The following DOCK4 variants were observed in gnomAD, a reference collection of about 807,000 sequenced individuals.
DOCK4 encodes the protein dedicator of cytokinesis protein 4.
A neutral mutation model predicts 268.1 loss-of-function variants in DOCK4; 97 were observed. The observed-to-expected ratio is 0.36, with a 90% CI of 0.31 to 0.43. DOCK4 has a LOEUF of 0.43. DOCK4 is among the 20% of genes least tolerant of loss of function. The pLI is 1.00. For synonymous variants in DOCK4, 954 were observed against 887.2 expected (o/e 1.08, Z -1.34); for missense variants, 2,145 against 2,455.7 (o/e 0.87, Z 2.67).
At chr7:111,872,900 C>A (rs536688863) in intron 17 of DOCK4, among the ~76,000 whole-genome samples, 1 of 152,314 alleles carries the variant, frequency 6.6e-6, no homozygotes, top group Non-Finnish European at 1.5e-5. Context: ...CAAATCCTTA[C>A]AAATCAGGCA....
intron 30 of DOCK4, among the ~76,000 whole-genome samples, chr7:111,792,951 C>T (rs551834214): frequency 6.6e-6 from 1 of 152,272 alleles, no homozygotes; most frequent in South Asian, 2.1e-4. Context: ...GTAACACTGG[C>T]AATAGATGAA....
At chr7:111,959,150 G>GCGGA (rs1554394482) in intron 8 of DOCK4, among the ~76,000 whole-genome samples, 1 of 152,056 alleles carries the variant, frequency 6.6e-6, no homozygotes, top group African/African-American at 2.4e-5. Context: ...TGACAGGCAG[G>GCGGA]CAGACACCCA....
At chr7:111,788,434 C>A in intron 32 of DOCK4, 2 of 519,596 alleles carry the variant, frequency 3.8e-6, no homozygotes, top group South Asian at 5.9e-5. Context: ...CATATGCAAC[C>A]TGTCCTAATC....
intron 1 of DOCK4, among the ~76,000 whole-genome samples, chr7:112,107,252 C>G (rs1811215117): frequency 6.6e-6 from 1 of 152,148 alleles, no homozygotes; most frequent in Non-Finnish European, 1.5e-5. Flanking sequence ...TATTGAAGTC[C>G]TAACTCCTGG....
intron 1 of DOCK4, among the ~76,000 whole-genome samples, chr7:112,152,996 C>A (rs1816248524): frequency 6.6e-6 from 1 of 152,098 alleles, no homozygotes; most frequent in Admixed American, 6.6e-5. Context: ...TCAGTGGTCA[C>A]ACAGAATGCC....
At chr7:112,157,240 G>C (rs1816698897) in intron 1 of DOCK4, among the ~76,000 whole-genome samples, 1 of 152,108 alleles carries the variant, frequency 6.6e-6, no homozygotes, top group South Asian at 2.1e-4. Flanking sequence ...CCTCATATGT[G>C]TTTTGGCCTC....
chr7:111,742,031 C>T lies in DOCK4; in HGVS notation c.4779G>A (p.Lys1593=), dbSNP rs1472951433. The T allele has an allele frequency of 3.7e-6, 6 of 1,604,176 alleles. No homozygotes were observed. Among genetic ancestry groups the T allele is most frequent in the Middle Eastern group, 1.7e-4 (1 of 6,036 alleles). ...KKLVDQFFVM[K]SSLGIQEFSA... is the part of the protein sequence containing the mutation. ...TACATACCTGTATCCCTAAGCTCGA[C>T]TTCATCACAAAGAATTGGTCAACCA... The change falls in exon 45 of 53, where the codon AAG becomes AAA. Residue 1593 remains lysine, a synonymous_variant. Transcript: ENST00000428084.
At chr7:112,083,516 TG>T (rs1808784073) in intron 1 of DOCK4, among the ~76,000 whole-genome samples, 1 of 152,108 alleles carries the variant, frequency 6.6e-6, no homozygotes, top group South Asian at 2.1e-4. Flanking sequence ...GTCAAATTTC[TG>T]GCAACATCTC....
At chr7:112,125,378 TTTTG>T (rs1813120937) in intron 1 of DOCK4, among the ~76,000 whole-genome samples, 1 of 152,172 alleles carries the variant, frequency 6.6e-6, no homozygotes. Context: ...CGCAAGGTCA[TTTTG>T]TTTGTGTGGT....
chr7:111,782,806 C>G (rs1221990290), intron 35 of DOCK4, 58 bp downstream of exon 35: 1 of 1,519,056 alleles, frequency 6.6e-7, no homozygotes, highest in African/African-American at 1.4e-5. Flanking sequence ...CATAGTATTT[C>G]TGGGAAAAAA....
At chr7:112,151,123 T>C (rs1170186173) in intron 1 of DOCK4, among the ~76,000 whole-genome samples, 2 of 152,130 alleles carry the variant, frequency 1.3e-5, no homozygotes, top group Admixed American at 6.5e-5. Flanking sequence ...CTAGGAGATA[T>C]GATGTAATAC....
intron 42 of DOCK4, 87 bp downstream of exon 42, chr7:111,755,428 G>T (rs949719028): frequency 7.8e-7 from 1 of 1,286,114 alleles, no homozygotes; most frequent in Non-Finnish European, 1.1e-6. Context: ...GAGAATCTGG[G>T]TCGAAGGAGA....
At chr7:111,972,423 C>T (rs555078358) in intron 8 of DOCK4, among the ~76,000 whole-genome samples, 70 of 152,010 alleles carry the variant, frequency 4.6e-4, no homozygotes, top group Non-Finnish European at 7.6e-4. Flanking sequence ...ATATTTAAAG[C>T]ACTTAGAACA....
intron 38 of DOCK4, 33 bp from the exon 39 acceptor site, chr7:111,765,255 A>T (rs1258902230): frequency 2.5e-6 from 3 of 1,219,446 alleles, no homozygotes; most frequent in East Asian, 5.6e-5. Flanking sequence ...TAAGCATTTT[A>T]TCTCATCTTT....
At chr7:112,032,517 C>T (rs1028871707) in intron 1 of DOCK4, among the ~76,000 whole-genome samples, 2 of 152,050 alleles carry the variant, frequency 1.3e-5, no homozygotes, top group African/African-American at 4.8e-5. Flanking sequence ...TTAAAAAGGG[C>T]CTTTTTGTAT....
At chr7:112,057,592 G>A (rs186339845) in intron 1 of DOCK4, among the ~76,000 whole-genome samples, 1 of 151,248 alleles carries the variant, frequency 6.6e-6, no homozygotes, top group East Asian at 1.9e-4. Flanking sequence ...TTGGAATATA[G>A]CAAGACCTTA....
rs563346299 is a variant in DOCK4, at chr7:111,954,058, T to C, written c.702-8260A>G. On this transcript the variant is annotated intron_variant, in intron 8 of 52. Transcript: ENST00000428084. ...CCTATGTATTAATATATCTCATTTATGTATGAAATATACATGTTAGTAAAC... is the reference window on the plus strand; with the variant it reads ...CCTATGTATTAATATATCTCATTTACGTATGAAATATACATGTTAGTAAAC... Among the ~76,000 whole-genome samples, 306 of 152,386 alleles carry C rather than the reference T, an allele frequency of 2.0e-3. 1 individual carries two copies. The highest frequency in any genetic ancestry group is 6.8e-3 in the Middle Eastern group (2 of 294).
In DOCK4 at chr7:111,728,677, G is replaced by T; in HGVS notation, c.5525C>A (p.Ser1842Ter). The T allele has an allele frequency of 6.2e-7, 1 of 1,613,788 alleles. No individual in the cohort carries two copies. The highest frequency in any genetic ancestry group is 8.5e-7 in the Non-Finnish European group (1 of 1,179,840). Residue 1842 changes from serine (S) to a stop codon, truncating the protein, a stop_gained, in exon 53 of 53, where the codon TCG becomes TAG. Coordinates refer to ENST00000428084, the MANE Select transcript of DOCK4 (RefSeq NM_001363540.2). LOFTEE classifies it high-confidence loss of function. ...SFTPSPVEYH[S>*]PGLISNSPVL... is the part of the protein sequence containing the mutation. ...AGGGGAGTTGGAGATGAGTCCTGGC[G>T]AGTGGTACTCCACTGGAGAGGGGGT...
chr7:112,190,063 T>C (rs1819811923), intron 1 of DOCK4, among the ~76,000 whole-genome samples: 2 of 152,148 alleles, frequency 1.3e-5, no homozygotes, highest in South Asian at 4.2e-4. Flanking sequence ...GATACCCTCA[T>C]CCACTCAACA....
Sources: gnomAD v4.1 joint callset for allele counts (sites outside exome capture counted in the v4.1 genomes callset) on GRCh38, gnomAD v4.1.1 for gene constraint, MANE v1.5 for transcripts, NCBI Gene and HGNC (gene_info 2026-07-23, HGNC 2026-07-21) for gene names.